Variants in CNTNAP2 observed in about 807,000 individuals in gnomAD.
The protein encoded by CNTNAP2 is contactin-associated protein-like 2.
In CNTNAP2, 98 loss-of-function variants were observed where a neutral mutation model predicts 155.2. The observed-to-expected ratio is 0.63, with a 90% CI of 0.54 to 0.75. The LOEUF is 0.75. CNTNAP2 is among the 30% of genes least tolerant of loss of function. The pLI, the probability that CNTNAP2 is intolerant of heterozygous loss-of-function variation, is 0.00. For missense variants in CNTNAP2, 1,727 were observed against 1,688.1 expected (o/e 1.02, Z -0.40); for synonymous variants, 651 against 631.2 (o/e 1.03, Z -0.47).
chr7:147,694,855 C>T (rs184793975), intron 13 of CNTNAP2, among the ~76,000 whole-genome samples: 2,499 of 152,028 alleles, frequency 0.016, 220 homozygotes, highest in Admixed American at 0.15. Context: ...ATTTTCATTA[C>T]TTTTTTTTCT....
At chr7:146,130,748 T>G (rs1797701602) in intron 1 of CNTNAP2, among the ~76,000 whole-genome samples, 1 of 152,142 alleles carries the variant, frequency 6.6e-6, no homozygotes, top group African/African-American at 2.4e-5. Context: ...GACTCACAGT[T>G]CTGCATGGCT....
At chr7:148,311,311 G>C (rs998026286) in intron 21 of CNTNAP2, among the ~76,000 whole-genome samples, 1 of 152,130 alleles carries the variant, frequency 6.6e-6, no homozygotes, top group Non-Finnish European at 1.5e-5. Context: ...GGGGACAACT[G>C]TGTAGGCCCT....
intron 8 of CNTNAP2, among the ~76,000 whole-genome samples, chr7:147,176,130 G>A (rs1802333966): frequency 6.6e-6 from 1 of 152,138 alleles, no homozygotes; most frequent in Admixed American, 6.5e-5. Flanking sequence ...CACCTGCAGG[G>A]TAATGATTCG....
At position 146,810,899 on chromosome 7, in the gene CNTNAP2, A is replaced by AT. The variant is rs371286246; in HGVS notation, c.209-28807dup. On this transcript the variant is annotated intron_variant, in intron 2 of 23. Transcript: ENST00000361727. ...TTGCATCTATTGAGATGATCATATG[A>AT]TTTTTAGCCTTCATTCTATTAATAT... is the stretch of plus-strand genomic sequence containing the variant. 3.3e-3 allele frequency among the ~76,000 whole-genome samples: 505 copies of AT among 152,264 alleles called. 3 individuals are homozygous for AT. The highest frequency in any genetic ancestry group is 0.012 in the African/African-American group (486 of 41,560).
intron 1 of CNTNAP2, among the ~76,000 whole-genome samples, chr7:146,346,700 C>T (rs1563048962): frequency 6.6e-6 from 1 of 151,726 alleles, no homozygotes; most frequent in African/African-American, 2.4e-5. Context: ...GAGCAAGACT[C>T]GGTCCAAAGG....
chr7:147,403,662 A>G (rs1256865091), intron 10 of CNTNAP2, among the ~76,000 whole-genome samples: 2 of 152,144 alleles, frequency 1.3e-5, no homozygotes, highest in South Asian at 2.1e-4. Flanking sequence ...GCTTTTTCCA[A>G]TCAAAAGCTA....
chr7:146,333,382 G>A (rs544979387), intron 1 of CNTNAP2, among the ~76,000 whole-genome samples: 1 of 152,038 alleles, frequency 6.6e-6, no homozygotes, highest in Non-Finnish European at 1.5e-5. Context: ...ATGTTTTGTT[G>A]ACCTAAACTA....
chr7:146,773,322 C>T (rs1249584233), intron 1 of CNTNAP2, among the ~76,000 whole-genome samples: 1 of 152,146 alleles, frequency 6.6e-6, no homozygotes, highest in East Asian at 1.9e-4. Flanking sequence ...ATGATGGGAA[C>T]TGATTAATTT....
chr7:147,897,536 C>CA (rs1431708399), intron 13 of CNTNAP2, among the ~76,000 whole-genome samples: 4 of 152,046 alleles, frequency 2.6e-5, no homozygotes, highest in South Asian at 4.2e-4. Flanking sequence ...GAATGCAATG[C>CA]AAAAAATGAA....
intron 13 of CNTNAP2, among the ~76,000 whole-genome samples, chr7:147,787,678 G>A (rs1797760353): frequency 6.6e-6 from 1 of 152,148 alleles, no homozygotes; most frequent in African/African-American, 2.4e-5. Flanking sequence ...CTTTTAACAA[G>A]CAAAGAAAAT....
At chr7:146,785,413 C>T (rs1802558777) in intron 2 of CNTNAP2, among the ~76,000 whole-genome samples, 1 of 152,184 alleles carries the variant, frequency 6.6e-6, no homozygotes, top group Admixed American at 6.5e-5. Flanking sequence ...AAAGCACTTT[C>T]ATGCTGTACT....
intron 1 of CNTNAP2, among the ~76,000 whole-genome samples, chr7:146,349,652 A>G (rs1018060464): frequency 2.6e-5 from 4 of 152,062 alleles, no homozygotes; most frequent in African/African-American, 9.7e-5. Context: ...GAGGTCTTTT[A>G]GGGCAGGCCT....
At chr7:148,068,210 G>T (rs1407848688) in intron 15 of CNTNAP2, among the ~76,000 whole-genome samples, 1 of 152,118 alleles carries the variant, frequency 6.6e-6, no homozygotes, top group African/African-American at 2.4e-5. Flanking sequence ...TTCATATTTG[G>T]TCAAAATTAT....
intron 8 of CNTNAP2, among the ~76,000 whole-genome samples, chr7:147,286,226 T>C (rs1805171134): frequency 6.6e-6 from 1 of 152,060 alleles, no homozygotes; most frequent in Non-Finnish European, 1.5e-5. Context: ...ACTAAGATAT[T>C]ACATTTATCT....
intron 10 of CNTNAP2, among the ~76,000 whole-genome samples, chr7:147,468,055 G>A (rs569651831): frequency 3.9e-4 from 60 of 152,118 alleles, no homozygotes; most frequent in African/African-American, 1.4e-3. Flanking sequence ...AGGCCAAGGC[G>A]GGAGGATTTC....
At chr7:147,745,852 C>G (rs111807595) in intron 13 of CNTNAP2, among the ~76,000 whole-genome samples, 4,808 of 152,238 alleles carry the variant, frequency 0.032, 244 homozygotes, top group African/African-American at 0.11. Context: ...TTGTTAAGAT[C>G]CTTTTCATTT....
intron 1 of CNTNAP2, among the ~76,000 whole-genome samples, chr7:146,729,499 G>T (rs2129179115): frequency 6.6e-6 from 1 of 152,084 alleles, no homozygotes; most frequent in Admixed American, 6.5e-5. Flanking sequence ...TTATACTGTT[G>T]TGTCAAACTC....
chr7:148,265,160 G>A (rs905133191), intron 20 of CNTNAP2, among the ~76,000 whole-genome samples: 2 of 152,186 alleles, frequency 1.3e-5, no homozygotes, highest in Admixed American at 6.5e-5. Flanking sequence ...TCATTAGATG[G>A]CAGCAAAGCA....
rs1563009692 is a variant in CNTNAP2 at position 147,586,523 on chromosome 7, G to GAGGGAGGAAGGAAGGAAGGAAGGA, written c.1897+24269_1897+24270insGAGGAAGGAAGGAAGGAAGGAAGG. Among the ~76,000 whole-genome samples, 25 of 42,030 alleles carry GAGGGAGGAAGGAAGGAAGGAAGGA rather than the reference G, an allele frequency of 5.9e-4. 1 individual carries two copies. Among genetic ancestry groups the GAGGGAGGAAGGAAGGAAGGAAGGA allele is most frequent in the Middle Eastern group, 0.014 (1 of 70 alleles). 27.6% of individuals were successfully genotyped at this position (42,030 alleles called of 152,430 possible). A position where few individuals can be genotyped will look rare whatever the true frequency, so the allele number is the denominator to read the frequency against. On this transcript the variant is annotated intron_variant, in intron 12 of 23. Coordinates refer to ENST00000361727, the MANE Select transcript of CNTNAP2 (RefSeq NM_014141.6). Reference sequence around the variant, plus strand: ...TACACACACACCCACAGAGAGAGAAGAGGAAGGAAGGAAGGAAGGAAGGGA... The same window carrying GAGGGAGGAAGGAAGGAAGGAAGGA: ...TACACACACACCCACAGAGAGAGAAGAGGGAGGAAGGAAGGAAGGAAGGAAGGAAGGAAGGAAGGAAGGAAGGGA...
Sources: allele counts gnomAD v4.1 joint callset (sites outside exome capture counted in the v4.1 genomes callset), GRCh38; gene constraint gnomAD v4.1.1; transcripts MANE v1.5; gene names NCBI Gene and HGNC (gene_info 2026-07-23, HGNC 2026-07-21).